Variants in PRELID2 observed in about 807,000 individuals in gnomAD.
PRELID2 encodes PRELI domain-containing protein 2.
PRELID2 carries 25 observed loss-of-function variants against 28.4 expected under a neutral mutation model. That is an observed-to-expected ratio of 0.88 (90% CI 0.64 to 1.23). The LOEUF (loss-of-function observed/expected upper bound fraction) is 1.23. PRELID2 is among the 50% of genes most tolerant of loss of function. The pLI is 0.00. For synonymous variants in PRELID2, 76 were observed against 71.6 expected, an observed-to-expected ratio of 1.06 and a Z score of -0.31; for missense variants, 201 against 214.4, an observed-to-expected ratio of 0.94 and a Z score of 0.39.
intron 1 of PRELID2, among the ~76,000 whole-genome samples, chr5:145,747,709 A>T (rs1459494846): frequency 1.3e-5 from 2 of 152,232 alleles, no homozygotes; most frequent in Non-Finnish European, 2.9e-5. Flanking sequence ...CAACAAAAAA[A>T]GAAAACTTCA....
At chr5:145,229,481 A>G in the PRELID2 span, 1 of 1,018,904 alleles carries the variant, frequency 9.8e-7, no homozygotes, top group East Asian at 2.4e-5. Context: ...CACCCCTGAC[A>G]TTCTCAAGAT....
chr5:145,581,588 G>T (rs1468046008), intron 1 of PRELID2, among the ~76,000 whole-genome samples: 1 of 151,980 alleles, frequency 6.6e-6, no homozygotes. Context: ...TGCATTGTTA[G>T]GAGTTAAAAT....
intron 1 of PRELID2, among the ~76,000 whole-genome samples, chr5:145,620,222 G>A (rs1156727206): frequency 6.6e-6 from 1 of 152,024 alleles, no homozygotes; most frequent in Non-Finnish European, 1.5e-5. Context: ...ATAAATTAAA[G>A]AAAAATCTAC....
chr5:145,366,637 C>T, the PRELID2 span, among the ~76,000 whole-genome samples: 14 of 151,934 alleles, frequency 9.2e-5, no homozygotes, highest in East Asian at 2.1e-3. Flanking sequence ...TTCCACATAG[C>T]TTTTACTGTT....
chr5:145,282,362 T>C, the PRELID2 span, among the ~76,000 whole-genome samples: 1 of 152,160 alleles, frequency 6.6e-6, no homozygotes, highest in Non-Finnish European at 1.5e-5. Context: ...AAGGTGAATG[T>C]CTTGATACAA....
chr5:145,257,077 T>G, the PRELID2 span, among the ~76,000 whole-genome samples: 1 of 151,954 alleles, frequency 6.6e-6, no homozygotes, highest in Non-Finnish European at 1.5e-5. Flanking sequence ...AATATTTCAG[T>G]AAATATAAAT....
chr5:145,330,339 G>A, the PRELID2 span, among the ~76,000 whole-genome samples: 1 of 152,188 alleles, frequency 6.6e-6, no homozygotes, highest in Non-Finnish European at 1.5e-5. Flanking sequence ...AATATTTTCA[G>A]AAGGAATGGT....
At chr5:145,446,121 G>T in the PRELID2 span, among the ~76,000 whole-genome samples, 1 of 152,012 alleles carries the variant, frequency 6.6e-6, no homozygotes, top group African/African-American at 2.4e-5. Context: ...ATAGCTAAAA[G>T]AAGGATATTG....
intron 1 of PRELID2, among the ~76,000 whole-genome samples, chr5:145,499,838 T>C (rs537391204): frequency 2.6e-5 from 4 of 152,314 alleles, no homozygotes; most frequent in Admixed American, 6.5e-5. Context: ...TGAATGAGAT[T>C]AATTCTTTTA....
chr5:145,740,719 T>C (rs1176184866), intron 1 of PRELID2, among the ~76,000 whole-genome samples: 2 of 119,336 alleles, frequency 1.7e-5, no homozygotes, highest in African/African-American at 3.3e-5. Context: ...AATATAAATA[T>C]ATTACATTAA....
rs1417939203 is a variant in PRELID2, at chr5:145,564,426, ACTTTTGCATG to A, written n.71-91121_71-91112del. ...AATGTCCCTCACTCTTGTCCCACTCACTTTTGCATGTGCTCATCCCTCTGGCTAGGATGCT... is the reference window on the plus strand; with the variant it reads ...AATGTCCCTCACTCTTGTCCCACTCATGCTCATCCCTCTGGCTAGGATGCT... On this transcript the variant is annotated intron_variant and non_coding_transcript_variant, in intron 1 of 2. Coordinates refer to the PRELID2 transcript ENST00000510259. Among the ~76,000 whole-genome samples, 4 of 151,986 alleles carry A rather than the reference ACTTTTGCATG, an allele frequency of 2.6e-5. No individual in the cohort carries two copies. In the East Asian group the frequency reaches 7.8e-4, roughly 30 times the overall value.
intron 1 of PRELID2, among the ~76,000 whole-genome samples, chr5:145,589,117 A>C (rs1461427335): frequency 1.3e-5 from 2 of 152,148 alleles, no homozygotes; most frequent in East Asian, 3.8e-4. Flanking sequence ...CCTACTGCAC[A>C]AACAGTTTAA....
chr5:145,523,090 G>A (rs1036251744), intron 1 of PRELID2, among the ~76,000 whole-genome samples: 1 of 152,046 alleles, frequency 6.6e-6, no homozygotes, highest in Admixed American at 6.6e-5. Flanking sequence ...TGTAGTTGGG[G>A]TAAAATTTCT....
the PRELID2 span, among the ~76,000 whole-genome samples, chr5:145,324,585 T>C: frequency 6.6e-6 from 1 of 152,216 alleles, no homozygotes; most frequent in East Asian, 1.9e-4. Flanking sequence ...CAAATAAGTC[T>C]TGTACTATGT....
At chr5:145,719,889 A>C (rs945315950) in intron 1 of PRELID2, among the ~76,000 whole-genome samples, 1 of 152,128 alleles carries the variant, frequency 6.6e-6, no homozygotes, top group African/African-American at 2.4e-5. Flanking sequence ...GATCATCAAA[A>C]TCTAAGGAAC....
At chr5:145,413,705 C>G in the PRELID2 span, among the ~76,000 whole-genome samples, 2 of 152,002 alleles carry the variant, frequency 1.3e-5, no homozygotes, top group South Asian at 4.2e-4. Flanking sequence ...TCCCCCACCC[C>G]CTTCCCTCAG....
the PRELID2 span, among the ~76,000 whole-genome samples, chr5:145,336,785 A>T: frequency 6.6e-6 from 1 of 152,038 alleles, no homozygotes; most frequent in Non-Finnish European, 1.5e-5. Context: ...TGCAGCCATA[A>T]AAAATGATGA....
At chr5:145,680,411 C>G (rs1185283466) in intron 1 of PRELID2, among the ~76,000 whole-genome samples, 1 of 152,174 alleles carries the variant, frequency 6.6e-6, no homozygotes, top group Non-Finnish European at 1.5e-5. Flanking sequence ...TGATCCCTGC[C>G]ACAACCACAG....
chr5:145,517,539 G>A lies in PRELID2; in HGVS notation n.71-44224C>T, dbSNP rs145176304. 3.2e-4 allele frequency among the ~76,000 whole-genome samples: 48 copies of A among 152,250 alleles called. No homozygotes were observed. In the East Asian group the frequency reaches 7.5e-3, roughly 24 times the overall value. ...TATATAGGAACAATTTTACACTGTT[G>A]GTGGGAGTGGAAATTAATTCAATCA... On this transcript the variant is annotated intron_variant and non_coding_transcript_variant, in intron 1 of 2. Transcript: ENST00000510259.
Sources: gnomAD v4.1 joint callset for allele counts (sites outside exome capture counted in the v4.1 genomes callset) on GRCh38, gnomAD v4.1.1 for gene constraint, MANE v1.5 for transcripts, NCBI Gene and HGNC (gene_info 2026-07-23, HGNC 2026-07-21) for gene names.